The following BDH1 variants were observed in gnomAD, a reference collection of about 807,000 sequenced individuals.
BDH1 encodes the protein 3-hydroxybutyrate dehydrogenase 1.
In BDH1, 30 loss-of-function variants were observed where a neutral mutation model predicts 33.1. The observed-to-expected ratio is 0.91, with a 90% CI of 0.68 to 1.23. BDH1 has a LOEUF of 1.23. Ranked by LOEUF, BDH1 falls within the 50% of genes most tolerant of loss-of-function variation. The probability of loss-of-function intolerance (pLI) is 0.00; values close to 1 mark genes in which losing one functional copy is unlikely to be tolerated. For synonymous variants in BDH1, 190 were observed against 183.6 expected, an observed-to-expected ratio of 1.03 and a Z score of -0.28; for missense variants, 443 against 464.4, an observed-to-expected ratio of 0.95 and a Z score of 0.42.
intron 5 of BDH1, among the ~76,000 whole-genome samples, chr3:197,524,078 G>T (rs1713842580): frequency 6.6e-6 from 1 of 152,224 alleles, no homozygotes; most frequent in East Asian, 1.9e-4. Flanking sequence ...AGGCTGCATT[G>T]TCACATTTCA....
At chr3:197,552,081 A>G (rs1410727414) in intron 2 of BDH1, among the ~76,000 whole-genome samples, 2 of 152,138 alleles carry the variant, frequency 1.3e-5, no homozygotes, top group East Asian at 3.9e-4. Context: ...CGCATCTAAC[A>G]TCTCCACTTG....
At chr3:197,536,907 G>C (rs1315293683) in intron 3 of BDH1, among the ~76,000 whole-genome samples, 3 of 152,182 alleles carry the variant, frequency 2.0e-5, no homozygotes, top group Non-Finnish European at 2.9e-5. Context: ...GCTGTGTTAT[G>C]TGTAACATGT....
At chr3:197,548,380 G>A (rs1208055581) in intron 2 of BDH1, among the ~76,000 whole-genome samples, 1 of 152,106 alleles carries the variant, frequency 6.6e-6, no homozygotes, top group South Asian at 2.1e-4. Flanking sequence ...CACCATCACT[G>A]GGAAACTTCC....
rs1553865645 is a variant in BDH1 at position 197,510,599 on chromosome 3, G to GGGGTGTGTGTGTGTGTGTGT, written c.*1295_*1296insACACACACACACACACACCC. ...CCACGCTGAAGCCCTGCAGAACAGG[G>GGGGTGTGTGTGTGTGTGTGT]GTGTGTGTGTGTGTGTGTGTGTGTG... On this transcript the variant is annotated 3_prime_UTR_variant, in exon 8 of 8. Coordinates refer to ENST00000392379, the MANE Select transcript of BDH1 (RefSeq NM_203314.3). The GGGGTGTGTGTGTGTGTGTGT allele has an allele frequency of 2.7e-5, 2 of 75,374 alleles. No homozygotes were observed. The highest frequency in any genetic ancestry group is 1.5e-4 in the Admixed American group (1 of 6,480). 4.7% of individuals were successfully genotyped at this position (75,374 alleles called of 1,614,324 possible).
intron 5 of BDH1, among the ~76,000 whole-genome samples, chr3:197,524,809 C>G (rs769648238): frequency 6.6e-6 from 1 of 152,050 alleles, no homozygotes; most frequent in African/African-American, 2.4e-5. Context: ...CGGCATTGGA[C>G]AGGAGGTCGG....
intron 7 of BDH1, among the ~76,000 whole-genome samples, chr3:197,512,957 G>A (rs924945554): frequency 6.6e-6 from 1 of 152,156 alleles, no homozygotes; most frequent in Non-Finnish European, 1.5e-5. Flanking sequence ...AGCCCTGAAA[G>A]AGGACAGGAC....
chr3:197,531,931 A>G (rs1354661325), intron 5 of BDH1, among the ~76,000 whole-genome samples: 1 of 152,140 alleles, frequency 6.6e-6, no homozygotes, highest in Non-Finnish European at 1.5e-5. Context: ...AACTCCTCCC[A>G]GTCTCCACCT....
chr3:197,553,204 C>T (rs966821769), intron 2 of BDH1, among the ~76,000 whole-genome samples: 1 of 150,466 alleles, frequency 6.6e-6, no homozygotes, highest in African/African-American at 2.4e-5. Flanking sequence ...AGGTGTGTGC[C>T]ACCACGCCTG....
chr3:197,542,683 C>T (rs1297773834), intron 3 of BDH1, among the ~76,000 whole-genome samples: 1 of 151,918 alleles, frequency 6.6e-6, no homozygotes, highest in Admixed American at 6.6e-5. Context: ...GCCACAGGCC[C>T]GGCTAATTTT....
chr3:197,533,697 CCT>C, intron 3 of BDH1, 136 bp from the exon 4 acceptor site: 2 of 743,966 alleles, frequency 2.7e-6, no homozygotes, highest in Non-Finnish European at 4.5e-6. Context: ...AGTAAGAGGC[CCT>C]CTTTCCACCA....
rs564410054 is a variant in BDH1 at position 197,544,214 on chromosome 3, C to T, written c.83+2147G>A. Among the ~76,000 whole-genome samples the T allele has an allele frequency of 5.3e-5, 8 of 152,272 alleles. No homozygotes were observed. The South Asian group carries it at 1.7e-3, about 32-fold the overall frequency. ...TTCTGTACCTGGGTCCCCCTCCACG[C>T]TGCCCATACCTTCACCCTACGACAT... On this transcript the variant is annotated intron_variant, in intron 3 of 7. Coordinates refer to ENST00000392379, the MANE Select transcript of BDH1 (RefSeq NM_203314.3).
At position 197,532,482 on chromosome 3, in the gene BDH1, C is replaced by A; in HGVS notation, c.197G>T (p.Gly66Val). 1 of 1,614,180 alleles carries A rather than the reference C, an allele frequency of 6.2e-7. No individual in the cohort carries two copies. Residue 66 changes from glycine (G) to valine (V), a missense_variant, in exon 5 of 8, where the codon GGA becomes GTA. Physicochemically the swap from Gly to Val is moderately radical, Grantham distance 109. Coordinates refer to ENST00000392379, the MANE Select transcript of BDH1 (RefSeq NM_203314.3). ...ATGCTTGGCCAATGAGAACCCAAATCCAGAGTCACAGCCTGTGACCAGGAC... is the reference window on the plus strand; with the variant it reads ...ATGCTTGGCCAATGAGAACCCAAATACAGAGTCACAGCCTGTGACCAGGAC... Reference protein sequence around the residue: ...KAVLVTGCDSGFGFSLAKHLH... With the variant: ...KAVLVTGCDSVFGFSLAKHLH...
intron 2 of BDH1, among the ~76,000 whole-genome samples, chr3:197,549,240 A>G (rs1418557308): frequency 6.6e-6 from 1 of 152,194 alleles, no homozygotes; most frequent in Non-Finnish European, 1.5e-5. Context: ...CGATGCTCAC[A>G]TATCAACCTG....
intron 3 of BDH1, among the ~76,000 whole-genome samples, chr3:197,541,122 T>A (rs538420546): frequency 1.1e-4 from 16 of 152,326 alleles, no homozygotes; most frequent in Non-Finnish European, 1.5e-5. Context: ...GCTTCTCAAT[T>A]TGAAGGGGCC....
At chr3:197,560,583 C>A (rs571641092), upstream of BDH1, among the ~76,000 whole-genome samples, 1 of 152,156 alleles carries the variant, frequency 6.6e-6, no homozygotes, top group Non-Finnish European at 1.5e-5. Flanking sequence ...TGTATGCTCA[C>A]GGCAAAACTG....
In BDH1 at chr3:197,511,827, A is replaced by G; in HGVS notation, c.*68T>C. 7.0e-7 allele frequency: 1 copy of G among 1,422,362 alleles called. No homozygotes were observed. Among genetic ancestry groups the G allele is most frequent in the Non-Finnish European group, 9.5e-7 (1 of 1,047,994 alleles). 88.1% of individuals were successfully genotyped at this position (1,422,362 alleles called of 1,614,324 possible). A position where few individuals can be genotyped will look rare whatever the true frequency, so the allele number is the denominator to read the frequency against. ...TCCACACGTGGATAATCAAGAGTTG[A>G]CTATATGGGTTCCTCCCTCCCCTCC... On this transcript the variant is annotated 3_prime_UTR_variant, in exon 8 of 8. Coordinates refer to ENST00000392379, the MANE Select transcript of BDH1 (RefSeq NM_203314.3).
At chr3:197,530,673 A>C (rs1714561650) in intron 5 of BDH1, 1 of 152,616 alleles carries the variant, frequency 6.6e-6, no homozygotes, top group African/African-American at 2.4e-5. Flanking sequence ...TATTGAAAAC[A>C]CCTAAATGCT....
chr3:197,571,076 A>G (rs1248764247), intron 1 of BDH1, among the ~76,000 whole-genome samples: 1 of 152,212 alleles, frequency 6.6e-6, no homozygotes, highest in Non-Finnish European at 1.5e-5. Flanking sequence ...CATGGAGTCA[A>G]AGGAGCTTTA....
intron 6 of BDH1, chr3:197,515,898 A>G (rs1030500421): frequency 6.6e-6 from 1 of 152,268 alleles, no homozygotes; most frequent in Non-Finnish European, 1.4e-5. Context: ...GCACGCACAC[A>G]CACACACACA....
Sources: gnomAD v4.1 joint callset for allele counts (sites outside exome capture counted in the v4.1 genomes callset) on GRCh38, gnomAD v4.1.1 for gene constraint, MANE v1.5 for transcripts, NCBI Gene and HGNC (gene_info 2026-07-23, HGNC 2026-07-21) for gene names.